The following FAM193B variants were observed in gnomAD, a reference collection of about 807,000 sequenced individuals.
FAM193B encodes the protein protein FAM193B.
FAM193B carries 27 observed loss-of-function variants against 70.7 expected under a neutral mutation model. That is an observed-to-expected ratio of 0.38 (90% CI 0.28 to 0.53). The LOEUF (loss-of-function observed/expected upper bound fraction) is 0.53, where lower values mean the gene tolerates loss of function less well. FAM193B is among the 20% of genes least tolerant of loss of function. The pLI is 0.81. For synonymous variants in FAM193B, 448 were observed against 436.0 expected (o/e 1.03, Z -0.34); for missense variants, 1,022 against 1,072.5 (o/e 0.95, Z 0.66).
rs1456410913 is a variant in FAM193B at position 177,532,059 on chromosome 5, G to A, written c.1275+384C>T. On this transcript the variant is annotated intron_variant, in intron 5 of 8. Transcript: ENST00000514747. The surrounding 1 kb of genome is among the most constrained non-coding windows in gnomAD (Gnocchi z 4.9). ...TGTGCTCACGGCCTGTCCCTCGGCT[G>A]GCTGTCACACTTGGGGGACTGAGAG... is the stretch of plus-strand genomic sequence containing the variant. The A allele has an allele frequency of 7.7e-7, 1 of 1,294,866 alleles. No individual in the cohort carries two copies. The highest frequency in any genetic ancestry group is 1.2e-5 in the South Asian group (1 of 81,062). The allele number at this position is 1,294,866 out of a possible 1,614,324, so 80.2% of individuals were successfully genotyped here. A position where few individuals can be genotyped will look rare whatever the true frequency, so the allele number is the denominator to read the frequency against.
intron 1 of FAM193B, chr5:177,553,776 C>T: frequency 1.6e-6 from 2 of 1,287,566 alleles, no homozygotes; most frequent in Non-Finnish European, 2.0e-6. Context: ...GGAGACACAG[C>T]TGCTGAGGGG....
At chr5:177,552,147 A>G in intron 1 of FAM193B, 1 of 808,800 alleles carries the variant, frequency 1.2e-6, no homozygotes, top group Non-Finnish European at 1.5e-6. Flanking sequence ...AAATGGAGTA[A>G]TGATAATTAT....
chr5:177,529,035 A>G (rs1413344809), intron 5 of FAM193B, among the ~76,000 whole-genome samples: 1 of 152,082 alleles, frequency 6.6e-6, no homozygotes, highest in Non-Finnish European at 1.5e-5. Context: ...AATACTTAGC[A>G]ATGCTTACTC....
intron 5 of FAM193B, among the ~76,000 whole-genome samples, chr5:177,526,256 A>G (rs1762582552): frequency 6.6e-6 from 1 of 152,184 alleles, no homozygotes; most frequent in African/African-American, 2.4e-5. Flanking sequence ...TTCTCTCTGA[A>G]CCTTACTTTT....
At chr5:177,520,732 T>G (rs1761600152) in intron 8 of FAM193B, among the ~76,000 whole-genome samples, 1 of 152,208 alleles carries the variant, frequency 6.6e-6, no homozygotes, top group Non-Finnish European at 1.5e-5. Flanking sequence ...TGCCTGGGGT[T>G]CCTGCTACTC....
At chr5:177,551,211 C>G (rs1287076807) in intron 1 of FAM193B, among the ~76,000 whole-genome samples, 1 of 152,156 alleles carries the variant, frequency 6.6e-6, no homozygotes, top group African/African-American at 2.4e-5. Flanking sequence ...GAATTCAATC[C>G]AAGTCTCTAA....
At chr5:177,542,450 C>T (rs181802613) in intron 1 of FAM193B, among the ~76,000 whole-genome samples, 5 of 152,342 alleles carry the variant, frequency 3.3e-5, no homozygotes, top group Admixed American at 2.0e-4. Flanking sequence ...ATCATTAACA[C>T]GACAGGAACA....
At chr5:177,552,762 T>C (rs551630376) in intron 1 of FAM193B, among the ~76,000 whole-genome samples, 15 of 152,214 alleles carry the variant, frequency 9.9e-5, no homozygotes, top group Non-Finnish European at 2.1e-4. Context: ...GGGATGCGGA[T>C]GAAGGTGGAG....
intron 5 of FAM193B, 178 bp from the exon 6 acceptor site, chr5:177,525,383 A>G (rs766670670): frequency 1.0e-5 from 5 of 493,858 alleles, no homozygotes; most frequent in African/African-American, 2.0e-5. Context: ...AGACAGGTAC[A>G]TGTCCTGGGG....
At position 177,539,038 on chromosome 5, in the gene FAM193B, T is replaced by C. The variant is rs1248532594; in HGVS notation, c.320A>G (p.Glu107Gly). 6.2e-7 allele frequency: 1 copy of C among 1,614,042 alleles called. No individual in the cohort carries two copies. The highest frequency in any genetic ancestry group is 1.1e-5 in the South Asian group (1 of 91,084). Residue 107 changes from glutamate (E) to glycine (G), a missense_variant, in exon 2 of 9, where the codon GAG becomes GGG. Physicochemically the swap from Glu to Gly is moderately conservative, Grantham distance 98 (BLOSUM62 -2). Coordinates refer to ENST00000514747, the MANE Select transcript of FAM193B (RefSeq NM_001190946.3). Reference sequence around the variant, plus strand: ...TGGCATGAAGTCAGGGGGCAGCTTCTCACCCTGCAACACCAGTCCATTTTG... The same window carrying C: ...TGGCATGAAGTCAGGGGGCAGCTTCCCACCCTGCAACACCAGTCCATTTTG... ...PSQNGLVLQG[E>G]KLPPDFMPKL...
intron 1 of FAM193B, chr5:177,553,661 G>A (rs1387883656): frequency 3.9e-6 from 5 of 1,282,560 alleles, no homozygotes; most frequent in Non-Finnish European, 5.1e-6. Context: ...AGAAGGGCAG[G>A]TTCTGCTGGG....
At position 177,532,277 on chromosome 5, in the gene FAM193B, A is replaced by G. The variant is rs1028680119; in HGVS notation, c.1275+166T>C. 5 of 1,488,316 alleles carry G rather than the reference A, an allele frequency of 3.4e-6. No homozygotes were observed. The African/African-American group carries it at 7.1e-5, about 21-fold the overall frequency. 92.2% of individuals were successfully genotyped at this position (1,488,316 alleles called of 1,614,324 possible). A position where few individuals can be genotyped will look rare whatever the true frequency, so the allele number is the denominator to read the frequency against. On this transcript the variant is annotated intron_variant, in intron 5 of 8. Coordinates refer to ENST00000514747, the MANE Select transcript of FAM193B (RefSeq NM_001190946.3). The surrounding 1 kb of genome is among the most constrained non-coding windows in gnomAD (Gnocchi z 4.9). ...CAAAATGTTTAAAAACCCCTACCTC[A>G]CAAATGTGCTGTGAGGATCAAGCGA...
chr5:177,520,401 TG>T (rs1761537381), intron 8 of FAM193B, among the ~76,000 whole-genome samples: 1 of 152,188 alleles, frequency 6.6e-6, no homozygotes, highest in Admixed American at 6.5e-5. Flanking sequence ...CCTGACAAGG[TG>T]GGGGACAATC....
At chr5:177,554,188 C>T in intron 1 of FAM193B, 61 bp downstream of exon 1, 1 of 1,474,810 alleles carries the variant, frequency 6.8e-7, no homozygotes, top group Non-Finnish European at 9.0e-7. Context: ...GCCCCACTCC[C>T]GCTCCCGCTC....
chr5:177,524,186 C>G lies in FAM193B; in HGVS notation c.2295G>C (p.Leu765Phe). 1 of 1,564,772 alleles carries G rather than the reference C, an allele frequency of 6.4e-7. No individual in the cohort carries two copies. Among genetic ancestry groups the G allele is most frequent in the Non-Finnish European group, 8.7e-7 (1 of 1,154,404 alleles). ...CCGCTCAGTTCCTGGTGCACTCACC[C>G]AAGGAGGAGGCTGGCTTCTCCTGCT... The part of the protein sequence containing the change: ...RNKQEKPASS[L>F]DDVFLPKDMD... The change falls in exon 6 of 9, where the codon TTG (leucine) becomes TTC (phenylalanine). Residue 765 changes from leucine (L) to phenylalanine (F), a missense_variant and splice_region_variant. Coordinates refer to ENST00000514747, the MANE Select transcript of FAM193B (RefSeq NM_001190946.3).
At chr5:177,547,684 T>C (rs1035892202) in intron 1 of FAM193B, among the ~76,000 whole-genome samples, 6 of 152,348 alleles carry the variant, frequency 3.9e-5, no homozygotes, top group Middle Eastern at 3.4e-3. Flanking sequence ...AACTTCCTAA[T>C]AAAACCTTCA....
chr5:177,554,127 C>T, intron 1 of FAM193B, 122 bp downstream of exon 1: 1 of 1,413,706 alleles, frequency 7.1e-7, no homozygotes, highest in Non-Finnish European at 9.3e-7. Flanking sequence ...GCGCCGGACC[C>T]GGGGGAAGGC....
At chr5:177,527,670 G>A (rs947959907) in intron 5 of FAM193B, among the ~76,000 whole-genome samples, 1 of 152,230 alleles carries the variant, frequency 6.6e-6, no homozygotes, top group Non-Finnish European at 1.5e-5. Flanking sequence ...GAGGCTTAGA[G>A]GTTAAGTGAT....
At chr5:177,542,764 T>C (rs1192288718) in intron 1 of FAM193B, among the ~76,000 whole-genome samples, 1 of 152,250 alleles carries the variant, frequency 6.6e-6, no homozygotes, top group African/African-American at 2.4e-5. Context: ...CATCTCCTCC[T>C]AGTACACTGT....
Sources: allele counts gnomAD v4.1 joint callset (sites outside exome capture counted in the v4.1 genomes callset), GRCh38; gene constraint gnomAD v4.1.1; non-coding constraint Gnocchi (gnomAD v3.1); transcripts MANE v1.5; gene names NCBI Gene and HGNC (gene_info 2026-07-23, HGNC 2026-07-21).